Variants in HCRTR2 observed in about 807,000 individuals in gnomAD.
HCRTR2 encodes hypocretin receptor 2.
Under a neutral mutation model 49.0 loss-of-function variants are expected in HCRTR2, and 22 were observed. That is an observed-to-expected ratio of 0.45 (90% confidence interval 0.32 to 0.64). The LOEUF (loss-of-function observed/expected upper bound fraction) is 0.64. Among genes scored for constraint, HCRTR2 ranks in the 30% least tolerant of loss-of-function variants. The pLI, the probability that HCRTR2 is intolerant of heterozygous loss-of-function variation, is 0.04. For synonymous variants in HCRTR2, 236 were observed against 205.3 expected, an observed-to-expected ratio of 1.15 and a Z score of -1.28; for missense variants, 491 against 559.4, an observed-to-expected ratio of 0.88 and a Z score of 1.23.
chr6:55,144,206 G>A (rs146679205), intron 1 of HCRTR2, among the ~76,000 whole-genome samples: 8 of 145,038 alleles, frequency 5.5e-5, no homozygotes, highest in African/African-American at 2.1e-4. Flanking sequence ...TCCGCCTCCC[G>A]GGTTCAAGCA....
intron 1 of HCRTR2, among the ~76,000 whole-genome samples, chr6:55,146,423 CA>C (rs1459236002): frequency 2.0e-5 from 3 of 152,078 alleles, no homozygotes; most frequent in East Asian, 3.9e-4. Context: ...AGATCTATGA[CA>C]AAACAATGAC....
At chr6:55,167,594 A>C (rs7773759) in intron 1 of HCRTR2, among the ~76,000 whole-genome samples, 1 of 152,104 alleles carries the variant, frequency 6.6e-6, no homozygotes, top group East Asian at 1.9e-4. Flanking sequence ...ATTTCAATGA[A>C]CTCAAACCCA....
intron 1 of HCRTR2, among the ~76,000 whole-genome samples, chr6:55,186,419 T>C (rs1765217071): frequency 6.6e-6 from 1 of 152,242 alleles, no homozygotes; most frequent in South Asian, 2.1e-4. Flanking sequence ...ATTCTAGTAA[T>C]GATTATGAAA....
intron 1 of HCRTR2, among the ~76,000 whole-genome samples, chr6:55,122,239 G>C (rs957807742): frequency 1.4e-4 from 21 of 152,156 alleles, no homozygotes; most frequent in African/African-American, 4.1e-4. Flanking sequence ...AGATTTTCTA[G>C]TTTATTTGCA....
chr6:55,236,146 C>A (rs1284793010), intron 1 of HCRTR2, among the ~76,000 whole-genome samples: 1 of 151,932 alleles, frequency 6.6e-6, no homozygotes, highest in African/African-American at 2.4e-5. Flanking sequence ...TAGGGTATAT[C>A]CCCCTATCCA....
At chr6:55,140,742 T>C (rs901446506) in intron 1 of HCRTR2, among the ~76,000 whole-genome samples, 9 of 152,208 alleles carry the variant, frequency 5.9e-5, no homozygotes, top group Non-Finnish European at 1.2e-4. Flanking sequence ...AAGTATATCA[T>C]AGAACCAGGA....
At chr6:55,283,554 C>T (rs1488913797), downstream of HCRTR2, among the ~76,000 whole-genome samples, 1 of 152,074 alleles carries the variant, frequency 6.6e-6, no homozygotes, top group Non-Finnish European at 1.5e-5. Context: ...CATGAATAGA[C>T]TATCGTATAT....
chr6:55,114,142 A>G (rs1438865649), intron 1 of HCRTR2, among the ~76,000 whole-genome samples: 1 of 151,812 alleles, frequency 6.6e-6, no homozygotes, highest in Non-Finnish European at 1.5e-5. Context: ...TGGAAGGGTG[A>G]GGGTTAAAAT....
chr6:55,113,679 AT>A (rs1443849220), intron 1 of HCRTR2, among the ~76,000 whole-genome samples: 1 of 151,894 alleles, frequency 6.6e-6, no homozygotes, highest in African/African-American at 2.4e-5. Context: ...AAAAGGGAAC[AT>A]TTTTACACTG....
At chr6:55,280,245 C>A in intron 5 of HCRTR2, 78 bp from the exon 6 acceptor site, 1 of 954,048 alleles carries the variant, frequency 1.0e-6, no homozygotes, top group Non-Finnish European at 1.7e-6. Flanking sequence ...GGAGTCAGAC[C>A]ATCCTCTACC....
At chr6:55,168,363 A>G (rs991716740) in intron 1 of HCRTR2, among the ~76,000 whole-genome samples, 2 of 152,178 alleles carry the variant, frequency 1.3e-5, no homozygotes, top group African/African-American at 4.8e-5. Flanking sequence ...AATTAAAACT[A>G]TCATTAGTAA....
At chr6:55,271,226 C>A (rs762286678) in intron 4 of HCRTR2, among the ~76,000 whole-genome samples, 1 of 152,016 alleles carries the variant, frequency 6.6e-6, no homozygotes, top group Non-Finnish European at 1.5e-5. Context: ...AATTCATGGT[C>A]CAGAAATAAA....
At chr6:55,210,080 C>T (rs181681250) in intron 1 of HCRTR2, among the ~76,000 whole-genome samples, 4 of 152,050 alleles carry the variant, frequency 2.6e-5, no homozygotes, top group Admixed American at 2.0e-4. Context: ...CCACAAAATG[C>T]CTTTTTGTTT....
At chr6:55,193,862 C>T (rs1400406994) in intron 1 of HCRTR2, among the ~76,000 whole-genome samples, 1 of 152,066 alleles carries the variant, frequency 6.6e-6, no homozygotes, top group Non-Finnish European at 1.5e-5. Context: ...GTTTCTCTGA[C>T]CTTTCCTCTT....
chr6:55,206,806 G>T (rs1030582881), intron 1 of HCRTR2, among the ~76,000 whole-genome samples: 1 of 151,852 alleles, frequency 6.6e-6, no homozygotes, highest in Admixed American at 6.6e-5. Context: ...CTCTTGAAAA[G>T]ATCACATCAA....
At chr6:55,176,952 T>G (rs540879433) in intron 1 of HCRTR2, among the ~76,000 whole-genome samples, 13 of 152,360 alleles carry the variant, frequency 8.5e-5, no homozygotes, top group African/African-American at 3.1e-4. Flanking sequence ...ATTTTAATTT[T>G]CGGCTGAATC....
Position 55,230,110 on chromosome 6 carries a change from C to T in HCRTR2, c.224-18529C>T, listed in dbSNP as rs142873784. ...ACTCTCATGCCTTAATTATAGTTTACTGCTGAGATAATTGAGAATGAGAGC... is the reference window on the plus strand; with the variant it reads ...ACTCTCATGCCTTAATTATAGTTTATTGCTGAGATAATTGAGAATGAGAGC... On this transcript the variant is annotated intron_variant, in intron 1 of 6. Coordinates refer to ENST00000370862, the MANE Select transcript of HCRTR2 (RefSeq NM_001384272.1). 2.4e-3 allele frequency among the ~76,000 whole-genome samples: 360 copies of T among 152,254 alleles called. 4 individuals carry two copies. The highest frequency in any genetic ancestry group is 8.1e-3 in the African/African-American group (336 of 41,546).
intron 1 of HCRTR2, among the ~76,000 whole-genome samples, chr6:55,227,895 G>A (rs903053701): frequency 6.6e-6 from 1 of 152,126 alleles, no homozygotes; most frequent in African/African-American, 2.4e-5. Flanking sequence ...AAATAAGATA[G>A]GGTATAACAG....
chr6:55,234,762 C>A (rs62416792), intron 1 of HCRTR2, among the ~76,000 whole-genome samples: 27,580 of 152,024 alleles, frequency 0.18, 2,868 homozygotes, highest in Non-Finnish European at 0.24. Context: ...TAGTACTGCA[C>A]CAAGCACTTT....
Sources: gnomAD v4.1 joint callset for allele counts (sites outside exome capture counted in the v4.1 genomes callset) on GRCh38, gnomAD v4.1.1 for gene constraint, MANE v1.5 for transcripts, NCBI Gene and HGNC (gene_info 2026-07-23, HGNC 2026-07-21) for gene names.